The following THSD4 variants were observed in gnomAD, a reference collection of about 807,000 sequenced individuals.
THSD4 encodes the protein thrombospondin type-1 domain-containing protein 4.
A neutral mutation model predicts 119.0 loss-of-function variants in THSD4; 69 were observed. The observed-to-expected ratio is 0.58, with a 90% CI of 0.48 to 0.71. The LOEUF (loss-of-function observed/expected upper bound fraction) is 0.71, where lower values mean the gene tolerates loss of function less well. THSD4 is among the 30% of genes least tolerant of loss of function. The pLI is 0.00. For missense variants in THSD4, 1,393 were observed against 1,391.1 expected (o/e 1.00, Z -0.02); for synonymous variants, 524 against 540.4 (o/e 0.97, Z 0.42).
intron 6 of THSD4, 30 bp downstream of exon 6, chr15:71,256,745 A>C: frequency 6.3e-7 from 1 of 1,588,020 alleles, no homozygotes; most frequent in South Asian, 1.1e-5. Context: ...TGTCCATAGA[A>C]GTTACTTTAG....
chr15:71,568,787 G>A (rs140895839), intron 7 of THSD4, among the ~76,000 whole-genome samples: 1 of 151,902 alleles, frequency 6.6e-6, no homozygotes, highest in African/African-American at 2.4e-5. Flanking sequence ...TCCCCTTCCT[G>A]TGTCCAAGTG....
intron 6 of THSD4, among the ~76,000 whole-genome samples, chr15:71,376,457 C>T (rs1185999057): frequency 6.6e-6 from 1 of 152,186 alleles, no homozygotes; most frequent in Admixed American, 6.5e-5. Flanking sequence ...ATAGTTTGCC[C>T]TGTCACTGTT....
chr15:71,364,547 G>T (rs1274312424), intron 6 of THSD4, among the ~76,000 whole-genome samples: 1 of 152,180 alleles, frequency 6.6e-6, no homozygotes, highest in African/African-American at 2.4e-5. Context: ...AAACTAGCAG[G>T]TCGTGGTTCT....
chr15:71,193,770 T>G (rs184751886), intron 3 of THSD4, among the ~76,000 whole-genome samples: 1,724 of 152,210 alleles, frequency 0.011, 34 homozygotes, highest in Admixed American at 0.054. Flanking sequence ...TGCAGTGGCG[T>G]GATCTCGGCT....
At chr15:71,288,004 T>C (rs2044740063) in intron 6 of THSD4, among the ~76,000 whole-genome samples, 1 of 152,192 alleles carries the variant, frequency 6.6e-6, no homozygotes, top group Non-Finnish European at 1.5e-5. Flanking sequence ...ACGCGCAACA[T>C]GCCCTGTAAA....
At chr15:71,732,946 T>C (rs2053011367) in intron 10 of THSD4, 1 of 152,130 alleles carries the variant, frequency 6.6e-6, no homozygotes, top group Admixed American at 6.5e-5. Flanking sequence ...CCCCAGAACA[T>C]GGGGTGGGTG....
chr15:71,539,885 A>G (rs746641955), intron 7 of THSD4, among the ~76,000 whole-genome samples: 1 of 152,146 alleles, frequency 6.6e-6, no homozygotes, highest in Non-Finnish European at 1.5e-5. Flanking sequence ...TGGAGGGCTC[A>G]CTCTGTATTG....
chr15:71,204,405 C>T (rs949964841), intron 3 of THSD4, among the ~76,000 whole-genome samples: 1 of 152,188 alleles, frequency 6.6e-6, no homozygotes, highest in Non-Finnish European at 1.5e-5. Flanking sequence ...CTCAGAGCCT[C>T]TTTGCTGGCA....
Position 71,180,686 on chromosome 15 carries a change from C to T in THSD4, c.99+25754C>T, listed in dbSNP as rs562440686. On this transcript the variant is annotated intron_variant, in intron 3 of 17. Coordinates refer to ENST00000261862, the MANE Select transcript of THSD4 (RefSeq NM_024817.3). ...CCAGATGTAAAAGTATGTACAGTAT[C>T]ATTCCATGTATATTTAGTTCAAGTA... 2.0e-5 allele frequency among the ~76,000 whole-genome samples: 3 copies of T among 152,232 alleles called. No individual in the cohort carries two copies. In the South Asian group the frequency reaches 6.2e-4, roughly 32 times the overall value.
chr15:71,446,861 C>A (rs369053175), intron 7 of THSD4, among the ~76,000 whole-genome samples: 8 of 152,110 alleles, frequency 5.3e-5, no homozygotes, highest in African/African-American at 1.9e-4. Context: ...TGTGCATGCT[C>A]TTTAAGAGTC....
chr15:71,524,412 T>G (rs2048485914), intron 7 of THSD4, among the ~76,000 whole-genome samples: 1 of 152,102 alleles, frequency 6.6e-6, no homozygotes, highest in African/African-American at 2.4e-5. Context: ...GCAAGTATGT[T>G]TCACCCAGTG....
In THSD4 at chr15:71,377,914, A is replaced by ACCCACACACCCACACACCCACACACCT. The variant is rs57687864; in HGVS notation, c.1016-33773_1016-33772insCCCACACACCCACACACCCACACACCT. Reference sequence around the variant, plus strand: ...CACACACACACACACACACACACACAATTTCCTTCAGTGACTCTTCTGAAA... The same window carrying ACCCACACACCCACACACCCACACACCT: ...CACACACACACACACACACACACACACCCACACACCCACACACCCACACACCTATTTCCTTCAGTGACTCTTCTGAAA... On this transcript the variant is annotated intron_variant, in intron 6 of 17. Transcript: ENST00000261862. Among the ~76,000 whole-genome samples, 50 of 146,146 alleles carry ACCCACACACCCACACACCCACACACCT rather than the reference A, an allele frequency of 3.4e-4. 4 individuals carry two copies. Among genetic ancestry groups the ACCCACACACCCACACACCCACACACCT allele is most frequent in the Admixed American group, 3.3e-3 (48 of 14,602 alleles).
intron 6 of THSD4, among the ~76,000 whole-genome samples, chr15:71,302,853 G>T (rs986789257): frequency 6.6e-6 from 1 of 151,888 alleles, no homozygotes; most frequent in Admixed American, 6.6e-5. Context: ...ACCTGCCGCC[G>T]CCTCATTTAG....
At chr15:71,708,606 G>A (rs1366570486) in intron 8 of THSD4, among the ~76,000 whole-genome samples, 1 of 152,162 alleles carries the variant, frequency 6.6e-6, no homozygotes, top group African/African-American at 2.4e-5. Context: ...ACCAAAAGGA[G>A]AATAAGGCAT....
chr15:71,642,605 G>A (rs1038781537), intron 7 of THSD4, among the ~76,000 whole-genome samples: 9 of 152,170 alleles, frequency 5.9e-5, no homozygotes, highest in Non-Finnish European at 1.3e-4. Flanking sequence ...ATACACCATG[G>A]AATACTATGC....
chr15:71,591,157 C>T (rs1421697621), intron 7 of THSD4, among the ~76,000 whole-genome samples: 1 of 151,956 alleles, frequency 6.6e-6, no homozygotes, highest in Non-Finnish European at 1.5e-5. Context: ...TAGACTTCCT[C>T]TTACCTATTG....
At chr15:71,401,478 A>G (rs549130190) in intron 6 of THSD4, among the ~76,000 whole-genome samples, 7 of 152,126 alleles carry the variant, frequency 4.6e-5, no homozygotes, top group Middle Eastern at 3.2e-3. Flanking sequence ...AATCTTTCCT[A>G]TTCCTCAACC....
chr15:71,185,887 G>A (rs2043596141), intron 3 of THSD4: 1 of 152,192 alleles, frequency 6.6e-6, no homozygotes, highest in South Asian at 2.1e-4. Context: ...GTGCAGTCAG[G>A]AGGTGCACTG....
intron 8 of THSD4, among the ~76,000 whole-genome samples, chr15:71,665,211 A>G (rs2141003953): frequency 6.6e-6 from 1 of 152,168 alleles, no homozygotes; most frequent in East Asian, 1.9e-4. Context: ...ATGGTATCTC[A>G]TTGTGGTTTT....
Sources: gnomAD v4.1 joint callset for allele counts (sites outside exome capture counted in the v4.1 genomes callset) on GRCh38, gnomAD v4.1.1 for gene constraint, MANE v1.5 for transcripts, NCBI Gene and HGNC (gene_info 2026-07-23, HGNC 2026-07-21) for gene names.